The following SCGB2A1 variants were observed in gnomAD, a reference collection of about 807,000 sequenced individuals.
SCGB2A1 encodes the protein secretoglobin family 2A member 1.
SCGB2A1 carries 6 observed loss-of-function variants against 9.2 expected under a neutral mutation model. The observed-to-expected ratio is 0.66, with a 90% CI of 0.36 to 1.29. The LOEUF is 1.29. Ranked by LOEUF, SCGB2A1 falls within the 50% of genes most tolerant of loss-of-function variation. The pLI is 0.03. For missense variants in SCGB2A1, 138 were observed against 116.9 expected, an observed-to-expected ratio of 1.18 and a Z score of -0.83; for synonymous variants, 37 against 41.0, an observed-to-expected ratio of 0.90 and a Z score of 0.37.
chr11:62,210,386 CTT>C (rs201416395), intron 1 of SCGB2A1, 25 bp from the exon 2 acceptor site: 64,027 of 1,316,558 alleles, frequency 0.049, 8 homozygotes, highest in Non-Finnish European at 0.056. Flanking sequence ...GTTCTTGTGT[CTT>C]TTTTTTTTTT....
At chr11:62,208,883 C>A in intron 1 of SCGB2A1, 97 bp downstream of exon 1, 2 of 1,286,516 alleles carry the variant, frequency 1.6e-6, no homozygotes, top group South Asian at 1.2e-5. Context: ...CACAGACGAG[C>A]CCCAGTGTGA....
intron 2 of SCGB2A1, among the ~76,000 whole-genome samples, chr11:62,213,116 T>TTTTTTTTTGTAGAGATGGCATTTTG (rs1590656027): frequency 8.1e-6 from 1 of 123,924 alleles, no homozygotes; most frequent in Non-Finnish European, 1.8e-5. Flanking sequence ...ATTTTTTTTT[T>TTTTTTTTTGTAGAGATGGCATTTTG]TGTAGAGATG....
At position 62,213,839 on chromosome 11, in the gene SCGB2A1, A is replaced by G; in HGVS notation, c.*69A>G. The G allele has an allele frequency of 7.5e-7, 1 of 1,340,950 alleles. No homozygotes were observed. Among genetic ancestry groups the G allele is most frequent in the Non-Finnish European group, 1.0e-6 (1 of 953,942 alleles). The allele number at this position is 1,340,950 out of a possible 1,614,324, so 83.1% of individuals were successfully genotyped here. A position where few individuals can be genotyped will look rare whatever the true frequency, so the allele number is the denominator to read the frequency against. ...AGAACTCATCTGTTGATTGCTAGAA[A>G]CCACTTTTCTTTCTTGTGTTGTCTT... On this transcript the variant is annotated 3_prime_UTR_variant, in exon 3 of 3. Transcript: ENST00000244930.
At chr11:62,211,669 G>A (rs1193897549) in intron 2 of SCGB2A1, among the ~76,000 whole-genome samples, 3 of 151,950 alleles carry the variant, frequency 2.0e-5, no homozygotes, top group Non-Finnish European at 1.5e-5. Flanking sequence ...CAAAGTGCTG[G>A]GATTACAGGT....
chr11:62,213,761 G>A lies in SCGB2A1; in HGVS notation c.279G>A (p.Lys93=), dbSNP rs1177358592. The A allele has an allele frequency of 6.2e-7, 1 of 1,613,870 alleles. No homozygotes were observed. The highest frequency in any genetic ancestry group is 1.3e-5 in the African/African-American group (1 of 74,926). The change falls in exon 3 of 3, where the codon AAG becomes AAA. Residue 93 remains lysine, a synonymous_variant. Transcript: ENST00000244930. The part of the protein sequence containing the change: ...TVYDSIWCNM[K]SN ...ACGACAGCATTTGGTGTAATATGAAGAGTAATTAACTTTACCCAAGGCGTT... is the reference window on the plus strand; with the variant it reads ...ACGACAGCATTTGGTGTAATATGAAAAGTAATTAACTTTACCCAAGGCGTT...
chr11:62,208,815 T>C (rs1421220160), intron 1 of SCGB2A1, 29 bp downstream of exon 1: 1 of 1,609,482 alleles, frequency 6.2e-7, no homozygotes, highest in South Asian at 1.1e-5. Flanking sequence ...GGGCTGCTTC[T>C]GGGCTAGGAA....
chr11:62,211,117 T>C (rs1192511039), intron 2 of SCGB2A1, among the ~76,000 whole-genome samples: 1 of 151,584 alleles, frequency 6.6e-6, no homozygotes, highest in Non-Finnish European at 1.5e-5. Context: ...AGAGAAGGAG[T>C]TTCACCATGT....
intron 2 of SCGB2A1, among the ~76,000 whole-genome samples, chr11:62,212,074 C>T (rs531687284): frequency 2.1e-4 from 32 of 151,734 alleles, no homozygotes; most frequent in Non-Finnish European, 4.1e-4. Flanking sequence ...TGGCACACAA[C>T]ACCACAGCCT....
rs1565121421 is a variant in SCGB2A1, at chr11:62,213,020, A to ACG, written c.244-706_244-705insCG. Among the ~76,000 whole-genome samples, 15 of 142,764 alleles carry ACG rather than the reference A, an allele frequency of 1.1e-4. 1 individual carries two copies. Among genetic ancestry groups the ACG allele is most frequent in the African/African-American group, 3.2e-4 (12 of 37,656 alleles). The allele number at this position is 142,764 out of a possible 152,430, so 93.7% of individuals were successfully genotyped here. On this transcript the variant is annotated intron_variant, in intron 2 of 2. Coordinates refer to ENST00000244930, the MANE Select transcript of SCGB2A1 (RefSeq NM_002407.3). ...TATATGTACACATATATGCACATAT[A>ACG]TACATATATACACACATATATACAT... is the stretch of plus-strand genomic sequence containing the variant.
chr11:62,208,906 C>G (rs1424880608), intron 1 of SCGB2A1, 120 bp downstream of exon 1: 9 of 932,238 alleles, frequency 9.7e-6, no homozygotes, highest in Non-Finnish European at 1.5e-5. Flanking sequence ...GGCCTGGGTG[C>G]GATAGGCCTT....
At chr11:62,208,870 C>T (rs1944805606) in intron 1 of SCGB2A1, 84 bp downstream of exon 1, 1 of 1,387,444 alleles carries the variant, frequency 7.2e-7, no homozygotes, top group Non-Finnish European at 1.0e-6. Flanking sequence ...CTCTAATCCC[C>T]AGCACAGACG....
rs772282396 is a variant in SCGB2A1, at chr11:62,210,610, G to A, written c.243+10G>A. 1.6e-5 allele frequency: 24 copies of A among 1,525,902 alleles called. No individual in the cohort carries two copies. The South Asian group carries it at 2.3e-4, about 15-fold the overall frequency. 94.5% of individuals were successfully genotyped at this position (1,525,902 alleles called of 1,614,324 possible). The stretch of plus-strand genomic sequence containing the variant: ...CTTTGGACTGATGATGGTAATTTGG[G>A]TTTCTTCTTATGTACCCTTTGAAAA... On this transcript the variant is annotated intron_variant, in intron 2 of 2. Transcript: ENST00000244930.
rs1944839756 is a variant in SCGB2A1, at chr11:62,212,704, A to G, written c.244-1022A>G. 2.0e-5 allele frequency among the ~76,000 whole-genome samples: 3 copies of G among 152,016 alleles called. No individual in the cohort carries two copies. In the South Asian group the frequency reaches 6.2e-4, roughly 31 times the overall value. The stretch of plus-strand genomic sequence containing the variant: ...CCCTCAGATTAATCATTCATATTGT[A>G]AAACTCCAGTGTTTCTTGTTTCCGT... On this transcript the variant is annotated intron_variant, in intron 2 of 2. Coordinates refer to ENST00000244930, the MANE Select transcript of SCGB2A1 (RefSeq NM_002407.3).
At chr11:62,213,050 A>G (rs1944848380) in intron 2 of SCGB2A1, among the ~76,000 whole-genome samples, 3 of 78,992 alleles carry the variant, frequency 3.8e-5, no homozygotes, top group Non-Finnish European at 8.7e-5. Flanking sequence ...ATACATATAT[A>G]CACATATATA....
At chr11:62,212,958 A>ACACACATATGTG (rs1565121297) in intron 2 of SCGB2A1, among the ~76,000 whole-genome samples, 13 of 78,372 alleles carry the variant, frequency 1.7e-4, no homozygotes, top group African/African-American at 3.9e-4. Context: ...ACACATATGT[A>ACACACATATGTG]CACATATGTA....
chr11:62,210,064 A>T (rs1944816052), intron 1 of SCGB2A1, among the ~76,000 whole-genome samples: 1 of 152,178 alleles, frequency 6.6e-6, no homozygotes, highest in Non-Finnish European at 1.5e-5. Flanking sequence ...ACCCTACCTG[A>T]TGCTGGGCAT....
chr11:62,213,028 A>ACATGCACATATG (rs1565121451), intron 2 of SCGB2A1, among the ~76,000 whole-genome samples: 1 of 59,108 alleles, frequency 1.7e-5, no homozygotes, highest in African/African-American at 5.1e-5. Flanking sequence ...ATATACATAT[A>ACATGCACATATG]TACACACATA....
intron 1 of SCGB2A1, 54 bp from the exon 2 acceptor site, chr11:62,210,359 C>A: frequency 1.3e-6 from 2 of 1,534,174 alleles, no homozygotes; most frequent in Non-Finnish European, 1.7e-6. Flanking sequence ...TGAATCACAC[C>A]TCTAGTAATG....
In SCGB2A1 at chr11:62,213,804, G is replaced by C. The variant is rs753437641; in HGVS notation, c.*34G>C. ...AAGGCGTTTGGCTCAGAGGGCTACA[G>C]ACTATGGCCAGAACTCATCTGTTGA... is the stretch of plus-strand genomic sequence containing the variant. On this transcript the variant is annotated 3_prime_UTR_variant, in exon 3 of 3. Coordinates refer to ENST00000244930, the MANE Select transcript of SCGB2A1 (RefSeq NM_002407.3). 1 of 1,586,978 alleles carries C rather than the reference G, an allele frequency of 6.3e-7. No individual in the cohort carries two copies. The highest frequency in any genetic ancestry group is 8.6e-7 in the Non-Finnish European group (1 of 1,158,682).
Sources: allele counts gnomAD v4.1 joint callset (sites outside exome capture counted in the v4.1 genomes callset), GRCh38; gene constraint gnomAD v4.1.1; transcripts MANE v1.5; gene names NCBI Gene and HGNC (gene_info 2026-07-23, HGNC 2026-07-21).